The following SSH2 variants were observed in gnomAD, a reference collection of about 807,000 sequenced individuals.
SSH2 encodes the protein protein phosphatase Slingshot homolog 2.
Under a neutral mutation model 135.2 loss-of-function variants are expected in SSH2, and 37 were observed. The ratio of observed to expected loss-of-function variants is 0.27; its 90% CI spans 0.21 to 0.36. The LOEUF (loss-of-function observed/expected upper bound fraction) is 0.36. Ranked by LOEUF, SSH2 falls within the 10% of genes least tolerant of loss-of-function variation. The pLI, the probability that SSH2 is intolerant of heterozygous loss-of-function variation, is 1.00. For synonymous variants in SSH2, 628 were observed against 646.2 expected, an observed-to-expected ratio of 0.97 and a Z score of 0.43; for missense variants, 1,408 against 1,765.3, an observed-to-expected ratio of 0.80 and a Z score of 3.63.
rs528764720 is a variant in SSH2, at chr17:29,784,469, T to A, written c.188+9425A>T. On this transcript the variant is annotated intron_variant, in intron 3 of 15. Transcript: ENST00000540801. ...AAAATTAGCTGGGTGTGGTGACGGG[T>A]GCCTGTAATCCCAGCTTCTTGGGAG... Among the ~76,000 whole-genome samples the A allele has an allele frequency of 2.0e-5, 3 of 151,358 alleles. No homozygotes were observed. In the East Asian group the frequency reaches 5.9e-4, roughly 30 times the overall value.
chr17:29,678,294 C>T (rs1957836265), intron 6 of SSH2, among the ~76,000 whole-genome samples: 1 of 152,134 alleles, frequency 6.6e-6, no homozygotes, highest in South Asian at 2.1e-4. Flanking sequence ...TGGGGTTTCA[C>T]CATGTTGGCC....
intron 1 of SSH2, among the ~76,000 whole-genome samples, chr17:29,921,715 AG>A (rs1372459389): frequency 6.6e-6 from 1 of 151,996 alleles, no homozygotes; most frequent in African/African-American, 2.4e-5. Context: ...CTGGGATTAC[AG>A]GCATCCACCA....
At chr17:29,691,369 C>CT (rs2038464446) in intron 5 of SSH2, among the ~76,000 whole-genome samples, 1 of 152,132 alleles carries the variant, frequency 6.6e-6, no homozygotes, top group Non-Finnish European at 1.5e-5. Context: ...TGCAAGAGTA[C>CT]TATAAAACCA....
chr17:29,800,487 T>G (rs112713503), intron 2 of SSH2, among the ~76,000 whole-genome samples: 7 of 152,302 alleles, frequency 4.6e-5, no homozygotes, highest in South Asian at 2.1e-4. Context: ...GTCAAGTAAC[T>G]TCACACATTG....
chr17:29,741,934 C>CTT lies in SSH2; in HGVS notation c.189-38874_189-38873dup, dbSNP rs71138848. ...CCAGCCAGCAATCTCATTTTTTTTTCTTTTTTTTTTTTTTTTTTTTGATGG... is the reference window on the plus strand; with the variant it reads ...CCAGCCAGCAATCTCATTTTTTTTTCTTTTTTTTTTTTTTTTTTTTTTGATGG... On this transcript the variant is annotated intron_variant, in intron 3 of 15. Transcript: ENST00000540801. 3.3e-3 allele frequency among the ~76,000 whole-genome samples: 320 copies of CTT among 97,930 alleles called. 9 individuals carry two copies. Among genetic ancestry groups the CTT allele is most frequent in the African/African-American group, 0.011 (276 of 24,812 alleles). 64.2% of individuals were successfully genotyped at this position (97,930 alleles called of 152,430 possible).
At chr17:29,663,184 T>C (rs1423276618) in intron 11 of SSH2, among the ~76,000 whole-genome samples, 2 of 152,256 alleles carry the variant, frequency 1.3e-5, no homozygotes, top group Admixed American at 1.3e-4. Flanking sequence ...GCTGGATACT[T>C]TCCCTAATAA....
chr17:29,911,958 C>T (rs1260757524), intron 1 of SSH2, among the ~76,000 whole-genome samples: 1 of 152,160 alleles, frequency 6.6e-6, no homozygotes, highest in African/African-American at 2.4e-5. Context: ...ATTCTTATCC[C>T]TTGCTGTCAC....
At chr17:29,786,636 A>AT (rs1661906391) in intron 3 of SSH2, among the ~76,000 whole-genome samples, 1 of 152,238 alleles carries the variant, frequency 6.6e-6, no homozygotes, top group Admixed American at 6.5e-5. Context: ...GAGAAAAAAA[A>AT]AATATTGCTG....
Position 29,636,644 on chromosome 17 carries a change from G to C in SSH2, c.1586C>G (p.Pro529Arg), listed in dbSNP as rs1482964716. The C allele has an allele frequency of 6.2e-7, 1 of 1,614,068 alleles. No homozygotes were observed. Among genetic ancestry groups the C allele is most frequent in the Admixed American group, 1.7e-5 (1 of 60,006 alleles). ...ATGTTCCACAAAGACAGGAGGTATG[G>C]GTGGGTGACTCTCCATGGTCTTCAC... ...AEVKTMESHP[P>R]IPPVFVEHMV... Residue 529 changes from proline (P) to arginine (R), a missense_variant, in exon 15 of 16, where the codon CCC (proline) becomes CGC (arginine). Around this residue, in one of 3 missense-constraint regions of SSH2, gnomAD observed 1,080 missense variants for 1,144.5 expected, o/e 0.94. Coordinates refer to ENST00000540801, the MANE Select transcript of SSH2 (RefSeq NM_001282129.2).
chr17:29,768,513 C>T (rs1382100696), intron 3 of SSH2, among the ~76,000 whole-genome samples: 3 of 152,074 alleles, frequency 2.0e-5, no homozygotes, highest in Non-Finnish European at 4.4e-5. Context: ...CTCAAGCGAT[C>T]CTCCTGCCTT....
chr17:29,880,643 A>G (rs1297812613), intron 1 of SSH2, among the ~76,000 whole-genome samples: 1 of 152,144 alleles, frequency 6.6e-6, no homozygotes, highest in Non-Finnish European at 1.5e-5. Context: ...TGGCTTTGGT[A>G]AGCAAATGAG....
intron 1 of SSH2, among the ~76,000 whole-genome samples, chr17:29,873,008 A>G (rs1009912420): frequency 6.6e-6 from 1 of 152,064 alleles, no homozygotes; most frequent in Non-Finnish European, 1.5e-5. Context: ...AAAAAAAAAA[A>G]GTATTTTTTG....
Position 29,629,267 on chromosome 17 carries a change from C to T in SSH2, c.*1574G>A, listed in dbSNP as rs1797055451. 1.3e-5 allele frequency: 2 copies of T among 152,678 alleles called. No individual in the cohort carries two copies. Among genetic ancestry groups the T allele is most frequent in the Admixed American group, 6.5e-5 (1 of 15,292 alleles). The allele number at this position is 152,678 out of a possible 1,614,324, so 9.5% of individuals were successfully genotyped here. A position where few individuals can be genotyped will look rare whatever the true frequency, so the allele number is the denominator to read the frequency against. On this transcript the variant is annotated 3_prime_UTR_variant, in exon 16 of 16. Transcript: ENST00000540801. ...GCACTTGCCCCTGGCTGAGGCCTCC[C>T]CTGTGGCCTTCAGCCTCTACTAGGA...
chr17:29,847,998 T>C (rs547914516), intron 2 of SSH2, among the ~76,000 whole-genome samples: 1 of 152,170 alleles, frequency 6.6e-6, no homozygotes, highest in East Asian at 1.9e-4. Context: ...TATGAGTTAG[T>C]GCTGTTCCAC....
At chr17:29,894,921 A>G (rs1340514133) in intron 1 of SSH2, among the ~76,000 whole-genome samples, 1 of 150,998 alleles carries the variant, frequency 6.6e-6, no homozygotes, top group Non-Finnish European at 1.5e-5. Context: ...TCATACTTAA[A>G]TTCTTCCATA....
intron 1 of SSH2, among the ~76,000 whole-genome samples, chr17:29,900,671 G>A (rs558849464): frequency 1.4e-4 from 22 of 152,252 alleles, no homozygotes; most frequent in East Asian, 7.7e-4. Flanking sequence ...ACACTTTTAT[G>A]CTATTGGTTG....
intron 1 of SSH2, among the ~76,000 whole-genome samples, chr17:29,893,069 C>T (rs1447867705): frequency 6.6e-6 from 1 of 152,122 alleles, no homozygotes; most frequent in East Asian, 1.9e-4. Flanking sequence ...TGATCACCCA[C>T]TCCACCAAAG....
intron 3 of SSH2, among the ~76,000 whole-genome samples, chr17:29,732,124 C>T (rs1179119660): frequency 2.0e-5 from 3 of 152,098 alleles, no homozygotes; most frequent in Non-Finnish European, 4.4e-5. Flanking sequence ...ACTTAGTCCC[C>T]TAGAAAAGTC....
rs765737438 is a variant in SSH2, at chr17:29,667,231, G to A, written c.810-8C>T. 7 of 1,527,128 alleles carry A rather than the reference G, an allele frequency of 4.6e-6. No individual in the cohort carries two copies. The South Asian group carries it at 8.1e-5, about 18-fold the overall frequency. The allele number at this position is 1,527,128 out of a possible 1,614,324, so 94.6% of individuals were successfully genotyped here. On this transcript the variant is annotated splice_polypyrimidine_tract_variant and splice_region_variant and intron_variant, in intron 9 of 15. Transcript: ENST00000540801. ...CGTTCACGTTCAGTAGGTCTGAGAA[G>A]AGAGAAATAACGATTATTCTTAAAC...
Sources: allele counts gnomAD v4.1 joint callset (sites outside exome capture counted in the v4.1 genomes callset), GRCh38; gene constraint gnomAD v4.1.1; regional missense constraint gnomAD v4.1.1; transcripts MANE v1.5; gene names NCBI Gene and HGNC (gene_info 2026-07-23, HGNC 2026-07-21).